Variants in ZNF710 observed in about 807,000 individuals in gnomAD.
ZNF710 encodes zinc finger protein 710.
ZNF710 carries 13 observed loss-of-function variants against 50.6 expected under a neutral mutation model. That is an observed-to-expected ratio of 0.26 (90% CI 0.17 to 0.41). ZNF710 has a LOEUF of 0.41. Among genes scored for constraint, ZNF710 ranks in the 10% least tolerant of loss-of-function variants. ZNF710 has a pLI of 1.00. For synonymous variants in ZNF710, 383 were observed against 397.0 expected (o/e 0.96, Z 0.42); for missense variants, 721 against 936.6 (o/e 0.77, Z 3.01).
chr15:89,998,723 A>G (rs562556490), upstream of ZNF710, among the ~76,000 whole-genome samples: 1 of 152,316 alleles, frequency 6.6e-6, no homozygotes, highest in African/African-American at 2.4e-5. Context: ...CCTCACAACA[A>G]ACTGTGAAGC....
At position 90,068,082 on chromosome 15, in the gene ZNF710, G is replaced by A. The variant is rs372650216; in HGVS notation, c.945G>A (p.Leu315=). 5 of 1,614,240 alleles carry A rather than the reference G, an allele frequency of 3.1e-6. No homozygotes were observed. Among genetic ancestry groups the A allele is most frequent in the Non-Finnish European group, 4.2e-6 (5 of 1,180,040 alleles). The change falls in exon 2 of 5, where the codon CTG becomes CTA. Residue 315 remains leucine, a synonymous_variant. Coordinates refer to ENST00000268154, the MANE Select transcript of ZNF710 (RefSeq NM_198526.4). The surrounding 1 kb of genome is among the most constrained non-coding windows in gnomAD (Gnocchi z 5.0). ...AGTACAACCTGGTGACGCACATCCT[G>A]GGCCACAACGGCATCAAGCCACACT... ...TSKYNLVTHI[L]GHNGIKPHSC...
At chr15:90,003,781 C>G (rs180728635) in intron 1 of ZNF710, among the ~76,000 whole-genome samples, 2 of 152,254 alleles carry the variant, frequency 1.3e-5, no homozygotes, top group East Asian at 3.9e-4. Flanking sequence ...GTGCTGGGTA[C>G]CTGCCAGTCT....
intron 4 of ZNF710, chr15:90,074,570 C>T (rs1900528304): frequency 7.5e-7 from 1 of 1,327,516 alleles, no homozygotes; most frequent in African/African-American, 1.5e-5. Context: ...CCTTTATTAA[C>T]TCATGTGATC....
chr15:90,046,969 A>G (rs1899481790), intron 1 of ZNF710, among the ~76,000 whole-genome samples: 1 of 152,184 alleles, frequency 6.6e-6, no homozygotes, highest in Non-Finnish European at 1.5e-5. Flanking sequence ...CCTGCTTCTC[A>G]GCATACTGCT....
At chr15:90,012,302 T>A (rs1898329941) in intron 1 of ZNF710, among the ~76,000 whole-genome samples, 1 of 143,296 alleles carries the variant, frequency 7.0e-6, no homozygotes, top group Admixed American at 6.9e-5. Flanking sequence ...TTTTTTTTTT[T>A]TTTTTTTTTT....
intron 1 of ZNF710, among the ~76,000 whole-genome samples, chr15:90,058,514 C>T (rs987818927): frequency 2.0e-5 from 3 of 152,018 alleles, no homozygotes; most frequent in Non-Finnish European, 4.4e-5. Context: ...TGTCAGTTTC[C>T]TTCTCTTCCC....
intron 1 of ZNF710, among the ~76,000 whole-genome samples, chr15:90,010,712 G>GT (rs1898275508): frequency 6.6e-6 from 1 of 151,802 alleles, no homozygotes; most frequent in Non-Finnish European, 1.5e-5. Context: ...CCTTCAGTCC[G>GT]TTTTTTCTCT....
intron 1 of ZNF710, among the ~76,000 whole-genome samples, chr15:90,019,128 A>G (rs1466099119): frequency 8.7e-6 from 1 of 115,590 alleles, no homozygotes; most frequent in Non-Finnish European, 1.8e-5. Flanking sequence ...CCCCCAGAAT[A>G]TTTTTCAATT....
intron 1 of ZNF710, among the ~76,000 whole-genome samples, chr15:90,049,397 G>GCACAGTCAGTCGCAACCCCA (rs1899568331): frequency 6.6e-6 from 1 of 152,164 alleles, no homozygotes; most frequent in African/African-American, 2.4e-5. Flanking sequence ...CAGTCGCACC[G>GCACAGTCAGTCGCAACCCCA]CAGGCAGAGG....
intron 1 of ZNF710, among the ~76,000 whole-genome samples, chr15:90,020,326 G>C (rs1898576664): frequency 6.6e-6 from 1 of 152,068 alleles, no homozygotes; most frequent in Non-Finnish European, 1.5e-5. Context: ...GCACATCCAG[G>C]CACCTCACAG....
chr15:90,070,499 C>G (rs1231441255), intron 2 of ZNF710, among the ~76,000 whole-genome samples: 1 of 151,554 alleles, frequency 6.6e-6, no homozygotes. Context: ...TAGTGAAACC[C>G]TGGCTCTACT....
intron 4 of ZNF710, among the ~76,000 whole-genome samples, chr15:90,078,455 G>T (rs1367266044): frequency 1.3e-5 from 2 of 152,180 alleles, no homozygotes; most frequent in Non-Finnish European, 2.9e-5. Flanking sequence ...CAATGAGAAG[G>T]TGCTAAGAAC....
At chr15:90,047,512 A>C (rs2151502951) in intron 1 of ZNF710, among the ~76,000 whole-genome samples, 1 of 152,212 alleles carries the variant, frequency 6.6e-6, no homozygotes, top group South Asian at 2.1e-4. Context: ...CGCCTCACAG[A>C]CTAATACTTT....
chr15:90,047,908 T>C (rs1188146260), intron 1 of ZNF710, among the ~76,000 whole-genome samples: 1 of 152,196 alleles, frequency 6.6e-6, no homozygotes, highest in African/African-American at 2.4e-5. Flanking sequence ...GCTACGCTTA[T>C]GTATTTGGAA....
intron 1 of ZNF710, among the ~76,000 whole-genome samples, chr15:90,063,452 G>A (rs571802895): frequency 6.6e-5 from 10 of 152,132 alleles, no homozygotes; most frequent in Admixed American, 3.3e-4. Context: ...TAGGTCTTCC[G>A]TGGTGTTTGT....
intron 1 of ZNF710, chr15:90,025,238 T>A (rs1418420221): frequency 6.6e-6 from 1 of 152,060 alleles, no homozygotes; most frequent in Non-Finnish European, 1.5e-5. Context: ...CAACACTCTT[T>A]TGGGTCTAAA....
intron 1 of ZNF710, among the ~76,000 whole-genome samples, chr15:90,006,056 A>T (rs1174950971): frequency 6.6e-6 from 1 of 152,144 alleles, no homozygotes; most frequent in Non-Finnish European, 1.5e-5. Context: ...GAAGGACAGC[A>T]GCAGAAAAAC....
At chr15:90,031,655 C>T (rs918989685) in intron 1 of ZNF710, among the ~76,000 whole-genome samples, 44 of 152,138 alleles carry the variant, frequency 2.9e-4, no homozygotes, top group African/African-American at 9.4e-4. Context: ...AGCCACTGGT[C>T]ATAGCCCATC....
In ZNF710 at chr15:90,035,466, A is replaced by G. The variant is rs369010834; in HGVS notation, c.-28-31644A>G. 1.8e-3 allele frequency among the ~76,000 whole-genome samples: 277 copies of G among 152,336 alleles called. 1 individual carries two copies. The highest frequency in any genetic ancestry group is 6.3e-3 in the African/African-American group (261 of 41,578). On this transcript the variant is annotated intron_variant, in intron 1 of 4. Coordinates refer to ENST00000268154, the MANE Select transcript of ZNF710 (RefSeq NM_198526.4). Reference sequence around the variant, plus strand: ...GGACTCCCAGGGCTAGGAGGGTATTAGCAGGCTGGCTTTCGGGCCTCAGCA... The same window carrying G: ...GGACTCCCAGGGCTAGGAGGGTATTGGCAGGCTGGCTTTCGGGCCTCAGCA...
Sources: gnomAD v4.1 joint callset for allele counts (sites outside exome capture counted in the v4.1 genomes callset) on GRCh38, gnomAD v4.1.1 for gene constraint, Gnocchi (gnomAD v3.1) non-coding constraint, MANE v1.5 for transcripts, NCBI Gene and HGNC (gene_info 2026-07-23, HGNC 2026-07-21) for gene names.